PTBP3: variants seen among roughly 807,000 people sequenced by gnomAD.
PTBP3 encodes the protein polypyrimidine tract-binding protein 3.
Under a neutral mutation model 58.7 loss-of-function variants are expected in PTBP3, and 20 were observed. The observed-to-expected ratio is 0.34, with a 90% CI of 0.24 to 0.50. PTBP3 has a LOEUF of 0.50. PTBP3 is among the 20% of genes least tolerant of loss of function. The probability of loss-of-function intolerance (pLI) is 0.98; values close to 1 mark genes in which losing one functional copy is unlikely to be tolerated. For missense variants in PTBP3, 509 were observed against 637.2 expected (o/e 0.80, Z 2.17); for synonymous variants, 185 against 219.8 (o/e 0.84, Z 1.40).
chr9:112,335,837 A>G (rs1282600667), upstream of PTBP3, among the ~76,000 whole-genome samples: 1 of 147,934 alleles, frequency 6.8e-6, no homozygotes, highest in East Asian at 2.1e-4. Context: ...AGACAGGAGA[A>G]TCTCAACCCG....
chr9:112,294,387 A>T (rs1473820012), intron 2 of PTBP3, among the ~76,000 whole-genome samples: 1 of 152,086 alleles, frequency 6.6e-6, no homozygotes, highest in Non-Finnish European at 1.5e-5. Context: ...GTGTGGTGGC[A>T]CATGCCTGTA....
At chr9:112,234,610 G>T (rs1361291429) in intron 8 of PTBP3, among the ~76,000 whole-genome samples, 5 of 152,184 alleles carry the variant, frequency 3.3e-5, no homozygotes, top group African/African-American at 9.7e-5. Context: ...AACACATACT[G>T]ATTACTGGAA....
intron 1 of PTBP3, among the ~76,000 whole-genome samples, chr9:112,331,965 T>A (rs1830394749): frequency 6.6e-6 from 1 of 152,194 alleles, no homozygotes; most frequent in Non-Finnish European, 1.5e-5. Flanking sequence ...TAACTACACA[T>A]AATGAAATGC....
chr9:112,304,059 C>T (rs950914142), intron 1 of PTBP3, among the ~76,000 whole-genome samples: 5 of 151,696 alleles, frequency 3.3e-5, no homozygotes, highest in Admixed American at 1.3e-4. Context: ...CTCAGCTACT[C>T]GGGAGGCTGA....
upstream of PTBP3, among the ~76,000 whole-genome samples, chr9:112,336,432 T>A (rs1461103897): frequency 6.6e-6 from 1 of 152,022 alleles, no homozygotes; most frequent in Non-Finnish European, 1.5e-5. Context: ...TTTGATAAAT[T>A]TTTTGAAAAT....
chr9:112,274,407 T>A (rs1222626610), intron 3 of PTBP3, among the ~76,000 whole-genome samples: 4 of 152,202 alleles, frequency 2.6e-5, no homozygotes, highest in Non-Finnish European at 5.9e-5. Context: ...GGGCCTAGAT[T>A]TGTTGTCCTC....
intron 2 of PTBP3, among the ~76,000 whole-genome samples, chr9:112,278,725 A>G (rs969262825): frequency 8.5e-5 from 13 of 152,196 alleles, no homozygotes; most frequent in Non-Finnish European, 1.6e-4. Flanking sequence ...GAGCTATGAA[A>G]TCAGATATCC....
intron 2 of PTBP3, among the ~76,000 whole-genome samples, chr9:112,294,081 T>G (rs894987239): frequency 1.3e-5 from 2 of 152,192 alleles, no homozygotes; most frequent in Non-Finnish European, 2.9e-5. Context: ...TGTATTTCAC[T>G]ACATCAAAAA....
intron 3 of PTBP3, among the ~76,000 whole-genome samples, chr9:112,268,732 A>AAAAAAAAATAAAT (rs1564420338): frequency 6.7e-6 from 1 of 148,582 alleles, no homozygotes. Context: ...AAAAAAAAAA[A>AAAAAAAAATAAAT]AAAGGATTTA....
At chr9:112,313,716 G>A (rs975630372) in intron 1 of PTBP3, among the ~76,000 whole-genome samples, 1 of 152,296 alleles carries the variant, frequency 6.6e-6, no homozygotes, top group Non-Finnish European at 1.5e-5. Flanking sequence ...TGAGCAAAAA[G>A]AAAGCAAAGC....
upstream of PTBP3, among the ~76,000 whole-genome samples, chr9:112,338,589 T>C (rs1310576598): frequency 3.3e-5 from 5 of 152,214 alleles, no homozygotes; most frequent in Non-Finnish European, 5.9e-5. Context: ...CAAAATGGCA[T>C]GTGAGTATAA....
the PTBP3 span, among the ~76,000 whole-genome samples, chr9:112,370,497 C>A: frequency 6.6e-6 from 1 of 151,976 alleles, no homozygotes; most frequent in Non-Finnish European, 1.5e-5. Flanking sequence ...ACCGAGATTG[C>A]GCTACTGCAT....
intron 1 of PTBP3, among the ~76,000 whole-genome samples, chr9:112,331,564 T>C (rs147054796): frequency 9.3e-4 from 142 of 152,346 alleles, no homozygotes; most frequent in Non-Finnish European, 1.6e-3. Context: ...AAACTTGAAA[T>C]TCATTTGTCT....
chr9:112,243,742 A>G (rs1835755182), intron 7 of PTBP3, among the ~76,000 whole-genome samples: 1 of 152,250 alleles, frequency 6.6e-6, no homozygotes. Context: ...TTAGAAAACA[A>G]AACAGTAATG....
intron 7 of PTBP3, among the ~76,000 whole-genome samples, chr9:112,235,518 C>T (rs1397470899): frequency 6.6e-6 from 1 of 152,100 alleles, no homozygotes; most frequent in African/African-American, 2.4e-5. Flanking sequence ...AGCCTGTTGA[C>T]TGTATATCAT....
At chr9:112,377,822 C>T in the PTBP3 span, among the ~76,000 whole-genome samples, 3 of 152,174 alleles carry the variant, frequency 2.0e-5, no homozygotes, top group Admixed American at 2.0e-4. Flanking sequence ...GGACTTTACA[C>T]CAGAAATCTG....
At chr9:112,298,882 T>A (rs955073352) in intron 1 of PTBP3, among the ~76,000 whole-genome samples, 1 of 152,200 alleles carries the variant, frequency 6.6e-6, no homozygotes, top group African/African-American at 2.4e-5. Context: ...TCCCTTTGGA[T>A]CTTTCACTGG....
chr9:112,378,770 GATA>G, the PTBP3 span, among the ~76,000 whole-genome samples: 5 of 152,314 alleles, frequency 3.3e-5, no homozygotes, highest in South Asian at 8.3e-4. Context: ...CTTAGTGGAT[GATA>G]ATAATTTGCA....
At position 112,232,080 on chromosome 9, in the gene PTBP3, A is replaced by G. The variant is rs779478418; in HGVS notation, c.1020+19T>C. 8.8e-6 allele frequency: 14 copies of G among 1,592,712 alleles called. No homozygotes were observed. The highest frequency in any genetic ancestry group is 1.2e-5 in the Non-Finnish European group (14 of 1,172,368). On this transcript the variant is annotated intron_variant, in intron 9 of 13. Coordinates refer to ENST00000374257, the MANE Select transcript of PTBP3 (RefSeq NM_001163788.4). ...CCTTCTCCTGAAAGACTATTTACAT[A>G]TAATACTTTTCAACTCACATCAGGA... is the stretch of plus-strand genomic sequence containing the variant.
Sources: gnomAD v4.1 joint callset for allele counts (sites outside exome capture counted in the v4.1 genomes callset) on GRCh38, gnomAD v4.1.1 for gene constraint, MANE v1.5 for transcripts, NCBI Gene and HGNC (gene_info 2026-07-23, HGNC 2026-07-21) for gene names.